The following ARL15 variants were observed in gnomAD, a reference collection of about 807,000 sequenced individuals.
The protein encoded by ARL15 is ADP-ribosylation factor-like protein 15.
Under a neutral mutation model 25.2 loss-of-function variants are expected in ARL15, and 19 were observed. The ratio of observed to expected loss-of-function variants is 0.75; its 90% CI spans 0.53 to 1.10. The LOEUF (loss-of-function observed/expected upper bound fraction) is 1.10. Among genes scored for constraint, ARL15 ranks in the 50% least tolerant of loss-of-function variants. The pLI, the probability that ARL15 is intolerant of heterozygous loss-of-function variation, is 0.00. For synonymous variants in ARL15, 94 were observed against 86.8 expected, an observed-to-expected ratio of 1.08 and a Z score of -0.46; for missense variants, 220 against 246.0, an observed-to-expected ratio of 0.89 and a Z score of 0.71.
At chr5:53,937,471 G>T (rs773237214) in intron 4 of ARL15, among the ~76,000 whole-genome samples, 1 of 152,148 alleles carries the variant, frequency 6.6e-6, no homozygotes, top group South Asian at 2.1e-4. Flanking sequence ...GTACAGTCAC[G>T]TGTAGCATAA....
chr5:54,229,826 C>T (rs1162782663), intron 1 of ARL15, among the ~76,000 whole-genome samples: 3 of 152,280 alleles, frequency 2.0e-5, no homozygotes, highest in East Asian at 3.9e-4. Context: ...TGGCTCTGGC[C>T]GATTCTGATC....
At chr5:53,990,394 A>T (rs938893540) in intron 4 of ARL15, among the ~76,000 whole-genome samples, 9 of 152,332 alleles carry the variant, frequency 5.9e-5, no homozygotes, top group African/African-American at 2.2e-4. Flanking sequence ...TAGTTCAGGG[A>T]AAGCCAGGTT....
At chr5:53,929,201 C>A (rs535512380) in intron 4 of ARL15, among the ~76,000 whole-genome samples, 31 of 150,438 alleles carry the variant, frequency 2.1e-4, no homozygotes, top group South Asian at 6.3e-4. Flanking sequence ...TAAAAGCACG[C>A]AGATTGGTTA....
intron 4 of ARL15, among the ~76,000 whole-genome samples, chr5:54,057,856 C>A (rs1338557633): frequency 4.0e-5 from 6 of 151,890 alleles, no homozygotes; most frequent in Non-Finnish European, 5.9e-5. Context: ...TCTGACCCTG[C>A]CTAATGAATA....
chr5:54,293,587 TGAAAG>T (rs1455873192), intron 1 of ARL15, among the ~76,000 whole-genome samples: 2 of 152,212 alleles, frequency 1.3e-5, no homozygotes, highest in Non-Finnish European at 2.9e-5. Flanking sequence ...AGGAAAAAGT[TGAAAG>T]GAACTTTGCA....
chr5:54,057,579 G>T (rs1424354731), intron 4 of ARL15, among the ~76,000 whole-genome samples: 1 of 152,230 alleles, frequency 6.6e-6, no homozygotes, highest in African/African-American at 2.4e-5. Context: ...TGGGGCATAA[G>T]TGGCTCATGC....
At chr5:54,004,408 G>A (rs533646945) in intron 4 of ARL15, among the ~76,000 whole-genome samples, 195 of 151,324 alleles carry the variant, frequency 1.3e-3, no homozygotes, top group African/African-American at 3.8e-3. Context: ...CAGGAGAATC[G>A]CTTGAACCCG....
intron 4 of ARL15, among the ~76,000 whole-genome samples, chr5:53,896,356 T>A (rs920192616): frequency 7.9e-5 from 12 of 151,994 alleles, no homozygotes; most frequent in Non-Finnish European, 1.8e-4. Flanking sequence ...TTTATACTCT[T>A]AATGTTAAAT....
At chr5:53,928,371 A>G (rs1301863313) in intron 4 of ARL15, among the ~76,000 whole-genome samples, 1 of 152,238 alleles carries the variant, frequency 6.6e-6, no homozygotes, top group Non-Finnish European at 1.5e-5. Flanking sequence ...TGATCTTTCT[A>G]AAAGGATCCT....
chr5:53,998,862 A>G (rs889148414), intron 4 of ARL15, among the ~76,000 whole-genome samples: 2 of 152,196 alleles, frequency 1.3e-5, no homozygotes, highest in Non-Finnish European at 2.9e-5. Context: ...GGCAACACCA[A>G]CCAAAAGAGG....
chr5:54,075,073 G>GAAAAAAAAAAAAAAAAAAAAAAA lies in ARL15; in HGVS notation c.462+38128_462+38129insTTTTTTTTTTTTTTTTTTTTTTT, dbSNP rs3836818. On this transcript the variant is annotated intron_variant, in intron 4 of 4. Transcript: ENST00000504924. Reference sequence around the variant, plus strand: ...GAATGATTCTTAGTACAGAATACAGGAAAAAAAAAAAAAAAAAAAGTCCTG... The same window carrying GAAAAAAAAAAAAAAAAAAAAAAA: ...GAATGATTCTTAGTACAGAATACAGGAAAAAAAAAAAAAAAAAAAAAAAAAAAAAAAAAAAAAAAAAAGTCCTG... Among the ~76,000 whole-genome samples, 20 of 63,906 alleles carry GAAAAAAAAAAAAAAAAAAAAAAA rather than the reference G, an allele frequency of 3.1e-4. 2 individuals carry two copies. Among genetic ancestry groups the GAAAAAAAAAAAAAAAAAAAAAAA allele is most frequent in the South Asian group, 6.1e-4 (1 of 1,632 alleles). The allele number at this position is 63,906 out of a possible 152,430, so 41.9% of individuals were successfully genotyped here. A position where few individuals can be genotyped will look rare whatever the true frequency, so the allele number is the denominator to read the frequency against.
At chr5:54,099,746 T>C (rs546340237) in intron 4 of ARL15, among the ~76,000 whole-genome samples, 2 of 152,272 alleles carry the variant, frequency 1.3e-5, no homozygotes, top group South Asian at 4.1e-4. Flanking sequence ...CAACTGTTAA[T>C]AATGAGTAAG....
chr5:53,991,568 GC>G lies in ARL15; in HGVS notation c.463-104856del, dbSNP rs1305740207. 3.5e-3 allele frequency among the ~76,000 whole-genome samples: 472 copies of G among 136,394 alleles called. 2 individuals are homozygous for G. The highest frequency in any genetic ancestry group is 0.011 in the African/African-American group (426 of 37,392). The allele number at this position is 136,394 out of a possible 152,430, so 89.5% of individuals were successfully genotyped here. The stretch of plus-strand genomic sequence containing the variant: ...AAAAAAAAAAAAAAAAAAAGGGGGG[GC>G]GGGGGGCAATTGAAGCAATGAGTGT... On this transcript the variant is annotated intron_variant, in intron 4 of 4. Transcript: ENST00000504924.
At chr5:54,251,137 CT>C (rs59492418) in intron 1 of ARL15, among the ~76,000 whole-genome samples, 60,460 of 151,838 alleles carry the variant, frequency 0.4, 14,514 homozygotes, top group Non-Finnish European at 0.53. Context: ...TTGAAAGCCC[CT>C]CCCCTAATTC....
chr5:54,286,324 G>A (rs1394238792), intron 1 of ARL15: 1 of 152,174 alleles, frequency 6.6e-6, no homozygotes, highest in Non-Finnish European at 1.5e-5. Flanking sequence ...TGGTAACAGT[G>A]CCAACAGCAC....
rs144970089 is a variant in ARL15 at position 54,012,888 on chromosome 5, G to A, written c.462+100314C>T. On this transcript the variant is annotated intron_variant, in intron 4 of 4. Transcript: ENST00000504924. ...GGCCGGAGTGCAGTAGTGCAATCTC[G>A]GCTCACTCACAAGCAATTCTCCTGC... Among the ~76,000 whole-genome samples, 53 of 146,210 alleles carry A rather than the reference G, an allele frequency of 3.6e-4. No homozygotes were observed. In the East Asian group the frequency reaches 0.01, roughly 28 times the overall value.
At chr5:54,287,818 C>G (rs1758220996) in intron 1 of ARL15, among the ~76,000 whole-genome samples, 1 of 152,192 alleles carries the variant, frequency 6.6e-6, no homozygotes, top group African/African-American at 2.4e-5. Context: ...GATGCCACAG[C>G]TGATTGAACT....
At chr5:54,283,446 G>A (rs188800699) in intron 1 of ARL15, among the ~76,000 whole-genome samples, 3 of 118,370 alleles carry the variant, frequency 2.5e-5, no homozygotes, top group African/African-American at 1.2e-4. Context: ...AAATATCAAC[G>A]GTGCTATTGT....
At chr5:53,916,654 C>T (rs1478425924) in intron 4 of ARL15, among the ~76,000 whole-genome samples, 1 of 152,050 alleles carries the variant, frequency 6.6e-6, no homozygotes, top group East Asian at 1.9e-4. Flanking sequence ...AAATACACAG[C>T]TAATCTAGAA....
Sources: gnomAD v4.1 joint callset for allele counts (sites outside exome capture counted in the v4.1 genomes callset) on GRCh38, gnomAD v4.1.1 for gene constraint, MANE v1.5 for transcripts, NCBI Gene and HGNC (gene_info 2026-07-23, HGNC 2026-07-21) for gene names.